Variants in CD207 observed in about 807,000 individuals in gnomAD.
CD207 encodes the protein CD207 molecule.
In CD207, 28 loss-of-function variants were observed where a neutral mutation model predicts 31.6. The ratio of observed to expected loss-of-function variants is 0.89; its 90% CI spans 0.66 to 1.21. The LOEUF (loss-of-function observed/expected upper bound fraction) is 1.21. Ranked by LOEUF, CD207 falls within the 50% of genes most tolerant of loss-of-function variation. The pLI is 0.00. For synonymous variants in CD207, 168 were observed against 153.9 expected, an observed-to-expected ratio of 1.09 and a Z score of -0.68; for missense variants, 388 against 397.8, an observed-to-expected ratio of 0.98 and a Z score of 0.21.
In CD207 at chr2:70,833,697, G is replaced by C. The variant is rs370455494; in HGVS notation, c.514C>G (p.Arg172Gly). 3 of 1,613,792 alleles carry C rather than the reference G, an allele frequency of 1.9e-6. No homozygotes were observed. Among genetic ancestry groups the C allele is most frequent in the Admixed American group, 3.3e-5 (2 of 59,992 alleles). The change falls in exon 3 of 6, where the codon CGG becomes GGG. Residue 172 changes from arginine to glycine, a missense_variant. By Grantham distance (125) the Arg-to-Gly change is moderately radical. Coordinates refer to ENST00000410009, the MANE Select transcript of CD207 (RefSeq NM_015717.5). ...TTCTCCAAGCTGCCCTGGAGTGCCC[G>C]GATCTTTGTATTTAAAGCACTGGCT... ...EKASALNTKI[R>G]ALQGSLENMS...
chr2:70,835,531 C>T lies in CD207; in HGVS notation c.150G>A (p.Thr50=), dbSNP rs879950751. 13 of 1,613,858 alleles carry T rather than the reference C, an allele frequency of 8.1e-6. No homozygotes were observed. The East Asian group carries it at 1.1e-4, about 14-fold the overall frequency. Reference sequence around the variant, plus strand: ...GCAGGACGGAGGCGACCAGGACCAGCGTCAGGCAGATTAATGCAGCACGGA... The same window carrying T: ...GCAGGACGGAGGCGACCAGGACCAGTGTCAGGCAGATTAATGCAGCACGGA... ...PTVRAALICL[T]LVLVASVLLQ... The change falls in exon 2 of 6, where the codon ACG becomes ACA. Residue 50 remains threonine (T), a synonymous_variant. Transcript: ENST00000410009.
Position 70,833,651 on chromosome 2 carries a change from C to T in CD207, c.560G>A (p.Arg187Gln), listed in dbSNP as rs551434216. Residue 187 changes from arginine to glutamine, a missense_variant, in exon 3 of 6, where the codon CGA (arginine) becomes CAA (glutamine). Arg to Gln is a conservative substitution (Grantham distance 43). Coordinates refer to ENST00000410009, the MANE Select transcript of CD207 (RefSeq NM_015717.5). ...SLENMSKLLKRQNDILQVVSQ... is the reference protein window; with the variant it reads ...SLENMSKLLKQQNDILQVVSQ... ...TAATTTTCTGAGTCACTTACTTTGT[C>T]GTTTGAGCAACTTGCTCATATTCTC... The T allele has an allele frequency of 5.1e-5, 82 of 1,608,276 alleles. No homozygotes were observed. Among genetic ancestry groups the T allele is most frequent in the Admixed American group, 6.7e-5 (4 of 59,322 alleles).
downstream of CD207, among the ~76,000 whole-genome samples, chr2:70,827,341 A>C (rs538011292): frequency 1.3e-5 from 2 of 152,132 alleles, no homozygotes; most frequent in South Asian, 2.1e-4. Flanking sequence ...AGACCTGAAA[A>C]AAAAAAGAAA....
At chr2:70,832,143 A>G (rs1001695245) in intron 4 of CD207, among the ~76,000 whole-genome samples, 17 of 152,246 alleles carry the variant, frequency 1.1e-4, no homozygotes, top group Admixed American at 5.2e-4. Context: ...CCTGAATTAA[A>G]TGAGCCCTGA....
intron 1 of CD207, 33 bp downstream of exon 1, chr2:70,835,671 A>G: frequency 6.2e-7 from 1 of 1,611,254 alleles, no homozygotes; most frequent in South Asian, 1.1e-5. Context: ...CACACAGAAC[A>G]CGGAGCAGGT....
the CD207 span, among the ~76,000 whole-genome samples, chr2:70,825,173 T>G: frequency 1.3e-5 from 2 of 151,960 alleles, no homozygotes; most frequent in African/African-American, 4.8e-5. Context: ...CCAGACAAAT[T>G]CCATTTAAGG....
chr2:70,830,344 G>A lies in CD207; in HGVS notation c.*706C>T, dbSNP rs1677435962. The A allele has an allele frequency of 6.5e-6, 1 of 152,902 alleles. No homozygotes were observed. The highest frequency in any genetic ancestry group is 2.4e-5 in the African/African-American group (1 of 41,466). The allele number at this position is 152,902 out of a possible 1,614,324, so 9.5% of individuals were successfully genotyped here. On this transcript the variant is annotated 3_prime_UTR_variant, in exon 6 of 6. Coordinates refer to ENST00000410009, the MANE Select transcript of CD207 (RefSeq NM_015717.5). ...CAGAAGGAGGAGGAGGTGCCGGAGA[G>A]GTGAGGACAGGGGCTGGATGGACGC...
chr2:70,835,642 G>A (rs782275154), intron 1 of CD207, 35 bp from the exon 2 acceptor site: 1 of 1,608,574 alleles, frequency 6.2e-7, no homozygotes, highest in South Asian at 1.1e-5. Flanking sequence ...TGTTGAAGGA[G>A]CAGCAAAGGG....
At position 70,833,853 on chromosome 2, in the gene CD207, G is replaced by A. The variant is rs782559266; in HGVS notation, c.358C>T (p.Arg120Cys). The A allele has an allele frequency of 1.2e-5, 19 of 1,613,782 alleles. No individual in the cohort carries two copies. Among genetic ancestry groups the A allele is most frequent in the South Asian group, 4.4e-5 (4 of 91,080 alleles). ...GTTTTTAACTTCAGGAACTGAGAACGCACATAACCCAGGCTCTCATTCACC... is the reference window on the plus strand; with the variant it reads ...GTTTTTAACTTCAGGAACTGAGAACACACATAACCCAGGCTCTCATTCACC... ...QMVNESLGYV[R>C]SQFLKLKTSV... is the part of the protein sequence containing the mutation. Residue 120 changes from arginine to cysteine, a missense_variant, in exon 3 of 6, where the codon CGT becomes TGT. By Grantham distance (180) the Arg-to-Cys change is radical. Transcript: ENST00000410009.
Position 70,830,990 on chromosome 2 carries a change from G to A in CD207, c.*60C>T. 3 of 1,485,936 alleles carry A rather than the reference G, an allele frequency of 2.0e-6. No individual in the cohort carries two copies. Among genetic ancestry groups the A allele is most frequent in the Non-Finnish European group, 2.8e-6 (3 of 1,086,342 alleles). The allele number at this position is 1,485,936 out of a possible 1,614,324, so 92.0% of individuals were successfully genotyped here. ...ATCCTGGAGTCTGGGGAAGAAAGAG[G>A]CATTTCCTCATGTTTAACAAGCGTT... On this transcript the variant is annotated 3_prime_UTR_variant, in exon 6 of 6. Transcript: ENST00000410009.
At chr2:70,833,558 A>T in intron 3 of CD207, 88 bp downstream of exon 3, 1 of 1,418,038 alleles carries the variant, frequency 7.1e-7, no homozygotes, top group Non-Finnish European at 9.3e-7. Flanking sequence ...CTCCTCCCCA[A>T]CCCACCAGCC....
downstream of CD207, among the ~76,000 whole-genome samples, chr2:70,828,325 A>G (rs2075223): frequency 0.7 from 106,735 of 152,160 alleles, 37,532 homozygotes; most frequent in Middle Eastern, 0.76. Context: ...AGGGAGCCAA[A>G]GTCACAAGAC....
intron 4 of CD207, among the ~76,000 whole-genome samples, chr2:70,832,332 C>T (rs370312936): frequency 1.1e-4 from 17 of 152,282 alleles, no homozygotes; most frequent in South Asian, 4.1e-4. Context: ...TCTAGAACTA[C>T]GCCAGAGCCC....
Position 70,830,887 on chromosome 2 carries a change from A to C in CD207, c.*163T>G, listed in dbSNP as rs2104698700. ...CCAGCTGCCTCCAAGACGTCAGAGA[A>C]TTTCCAGCCAAGACAGACGGACTCC... On this transcript the variant is annotated 3_prime_UTR_variant, in exon 6 of 6. Coordinates refer to ENST00000410009, the MANE Select transcript of CD207 (RefSeq NM_015717.5). 1.6e-6 allele frequency: 1 copy of C among 623,398 alleles called. No homozygotes were observed. The highest frequency in any genetic ancestry group is 2.4e-5 in the South Asian group (1 of 40,902). 38.6% of individuals were successfully genotyped at this position (623,398 alleles called of 1,614,324 possible).
chr2:70,828,569 G>T (rs1328967288), downstream of CD207, among the ~76,000 whole-genome samples: 4 of 152,198 alleles, frequency 2.6e-5, no homozygotes, highest in East Asian at 3.9e-4. Context: ...GCAGCCCTGG[G>T]AACGGGAGCA....
intron 2 of CD207, among the ~76,000 whole-genome samples, chr2:70,834,597 C>T (rs1184989882): frequency 6.6e-6 from 1 of 152,158 alleles, no homozygotes; most frequent in African/African-American, 2.4e-5. Flanking sequence ...CTTCCCTTGC[C>T]CCACCCACTT....
At chr2:70,824,178 C>T in the CD207 span, among the ~76,000 whole-genome samples, 2 of 152,062 alleles carry the variant, frequency 1.3e-5, no homozygotes, top group African/African-American at 2.4e-5. Flanking sequence ...GGGACAGCTT[C>T]TTGACATGAT....
At chr2:70,835,440 G>C in intron 2 of CD207, 51 bp downstream of exon 2, 1 of 1,331,048 alleles carries the variant, frequency 7.5e-7, no homozygotes, top group Non-Finnish European at 1.1e-6. Context: ...GAAGGGAGCC[G>C]GCTGGCCACA....
At chr2:70,824,748 A>G in the CD207 span, among the ~76,000 whole-genome samples, 91,296 of 151,422 alleles carry the variant, frequency 0.6, 27,993 homozygotes, top group Middle Eastern at 0.7. Context: ...AACAAATAAA[A>G]TAGTATTGGA....
Sources: gnomAD v4.1 joint callset for allele counts (sites outside exome capture counted in the v4.1 genomes callset) on GRCh38, gnomAD v4.1.1 for gene constraint, MANE v1.5 for transcripts, NCBI Gene and HGNC (gene_info 2026-07-23, HGNC 2026-07-21) for gene names.